Variants in LMBRD1 observed in about 807,000 individuals in gnomAD.
LMBRD1 encodes LMBR1 domain containing 1.
A neutral mutation model predicts 74.8 loss-of-function variants in LMBRD1; 64 were observed. That is an observed-to-expected ratio of 0.86 (90% confidence interval 0.70 to 1.05). LMBRD1 has a LOEUF of 1.05. Ranked by LOEUF, LMBRD1 falls within the 50% of genes least tolerant of loss-of-function variation. The pLI is 0.00. For synonymous variants in LMBRD1, 204 were observed against 216.3 expected, an observed-to-expected ratio of 0.94 and a Z score of 0.50; for missense variants, 652 against 645.9, an observed-to-expected ratio of 1.01 and a Z score of -0.10.
chr6:69,707,511 T>A (rs1766285903), intron 9 of LMBRD1, among the ~76,000 whole-genome samples: 1 of 152,214 alleles, frequency 6.6e-6, no homozygotes, highest in Non-Finnish European at 1.5e-5. Flanking sequence ...TCTAATAGGA[T>A]CATTGTTTCC....
intron 14 of LMBRD1, among the ~76,000 whole-genome samples, chr6:69,679,512 A>G (rs1765618337): frequency 6.6e-6 from 1 of 152,144 alleles, no homozygotes; most frequent in Non-Finnish European, 1.5e-5. Flanking sequence ...ATCCATTCAT[A>G]TTCAATGACT....
chr6:69,718,305 C>T (rs888017390), intron 8 of LMBRD1, among the ~76,000 whole-genome samples: 14 of 151,918 alleles, frequency 9.2e-5, no homozygotes, highest in South Asian at 2.1e-4. Context: ...ATATTATAAA[C>T]GACGATACCT....
chr6:69,717,074 A>G (rs1766507871), intron 8 of LMBRD1, among the ~76,000 whole-genome samples: 1 of 151,938 alleles, frequency 6.6e-6, no homozygotes, highest in African/African-American at 2.4e-5. Context: ...TAAAAAATAT[A>G]TTGAGTTGTT....
At chr6:69,752,438 C>A in intron 3 of LMBRD1, 82 bp from the exon 4 acceptor site, 1 of 1,143,122 alleles carries the variant, frequency 8.7e-7, no homozygotes, top group Non-Finnish European at 1.3e-6. Flanking sequence ...TATATATATT[C>A]ACTTAACAAA....
At chr6:69,734,887 G>C (rs1409256498) in intron 7 of LMBRD1, among the ~76,000 whole-genome samples, 2 of 152,130 alleles carry the variant, frequency 1.3e-5, no homozygotes, top group Non-Finnish European at 2.9e-5. Context: ...TCAACTTTTG[G>C]TGAATTAGTG....
At chr6:69,725,047 A>G (rs1766696887) in intron 7 of LMBRD1, among the ~76,000 whole-genome samples, 1 of 152,186 alleles carries the variant, frequency 6.6e-6, no homozygotes, top group Admixed American at 6.5e-5. Context: ...ACAAAAAATC[A>G]GTAGCATTTC....
chr6:69,690,002 T>C (rs2445957), intron 14 of LMBRD1, among the ~76,000 whole-genome samples: 79,081 of 151,562 alleles, frequency 0.52, 21,231 homozygotes, highest in Non-Finnish European at 0.58. Flanking sequence ...AAGCCCCTTA[T>C]ATAGGAGAAT....
intron 14 of LMBRD1, 48 bp from the exon 15 acceptor site, chr6:69,676,589 A>G (rs1252665417): frequency 7.5e-7 from 1 of 1,336,950 alleles, no homozygotes; most frequent in Non-Finnish European, 1.1e-6. Context: ...CTTTCATAAA[A>G]TTGATGATTA....
intron 7 of LMBRD1, among the ~76,000 whole-genome samples, chr6:69,732,874 A>T (rs1165173620): frequency 6.6e-6 from 1 of 152,176 alleles, no homozygotes; most frequent in Non-Finnish European, 1.5e-5. Context: ...CTACATATAT[A>T]TCCGTGCCTG....
chr6:69,752,203 G>A, intron 4 of LMBRD1, 56 bp downstream of exon 4: 1 of 1,534,664 alleles, frequency 6.5e-7, no homozygotes. Flanking sequence ...CTCTGAAAAA[G>A]CAGGTAATAT....
intron 9 of LMBRD1, among the ~76,000 whole-genome samples, chr6:69,703,455 C>CAAA (rs530645065): frequency 0.1 from 12,417 of 122,472 alleles, 1,405 homozygotes; most frequent in African/African-American, 0.3. Context: ...TCCATTTTGG[C>CAAA]AAAAAAAAAA....
At position 69,752,268 on chromosome 6, in the gene LMBRD1, A is replaced by G; in HGVS notation, c.396T>C (p.Ser132=). 1.2e-6 allele frequency: 2 copies of G among 1,609,370 alleles called. No individual in the cohort carries two copies. The highest frequency in any genetic ancestry group is 1.7e-6 in the Non-Finnish European group (2 of 1,176,238). Residue 132 remains serine, a synonymous_variant, in exon 4 of 16, where the codon AGT becomes AGC. Transcript: ENST00000649934. ...YYEEKDDDDT[S]KCTQIKTALK... is the part of the protein sequence containing the mutation. Reference sequence around the variant, plus strand: ...AAATAAAGATACTTACAGTACATTTACTAGTATCATCATCATCCTTTTCTT... The same window carrying G: ...AAATAAAGATACTTACAGTACATTTGCTAGTATCATCATCATCCTTTTCTT...
chr6:69,771,583 A>G (rs2149888190), intron 3 of LMBRD1, among the ~76,000 whole-genome samples: 1 of 152,308 alleles, frequency 6.6e-6, no homozygotes, highest in East Asian at 1.9e-4. Flanking sequence ...ACTGTGGGCC[A>G]TCATGAGAGT....
chr6:69,742,679 T>C (rs1226213583), intron 5 of LMBRD1, among the ~76,000 whole-genome samples: 1 of 152,122 alleles, frequency 6.6e-6, no homozygotes, highest in South Asian at 2.1e-4. Flanking sequence ...ATTTTAAGTG[T>C]AAGCAAAGTG....
chr6:69,750,231 T>G (rs1765096143), intron 4 of LMBRD1, among the ~76,000 whole-genome samples: 1 of 151,390 alleles, frequency 6.6e-6, no homozygotes, highest in Non-Finnish European at 1.5e-5. Flanking sequence ...ATATGTTAAC[T>G]CATTTAATTC....
chr6:69,708,552 C>T (rs1034184889), intron 9 of LMBRD1, among the ~76,000 whole-genome samples: 3 of 151,762 alleles, frequency 2.0e-5, no homozygotes, highest in Admixed American at 2.0e-4. Context: ...GACTCAAACC[C>T]AGGATTAGGT....
chr6:69,721,458 T>A (rs1413773966), intron 7 of LMBRD1, among the ~76,000 whole-genome samples: 1 of 152,134 alleles, frequency 6.6e-6, no homozygotes, highest in African/African-American at 2.4e-5. Context: ...AGCTCACAGA[T>A]GACATTTCTA....
At chr6:69,712,156 T>C (rs779577859) in intron 9 of LMBRD1, among the ~76,000 whole-genome samples, 2 of 152,158 alleles carry the variant, frequency 1.3e-5, no homozygotes, top group Non-Finnish European at 2.9e-5. Flanking sequence ...TGCTATTGTA[T>C]ACAAAGGTCT....
intron 3 of LMBRD1, among the ~76,000 whole-genome samples, chr6:69,773,424 C>T (rs7763931): frequency 6.0e-4 from 91 of 151,936 alleles, no homozygotes; most frequent in African/African-American, 2.2e-3. Flanking sequence ...CTAAGATAAA[C>T]CTAAGTTCAA....
Sources: allele counts gnomAD v4.1 joint callset (sites outside exome capture counted in the v4.1 genomes callset), GRCh38; gene constraint gnomAD v4.1.1; transcripts MANE v1.5; gene names NCBI Gene and HGNC (gene_info 2026-07-23, HGNC 2026-07-21).